The following CAVIN4 variants were observed in gnomAD, a reference collection of about 807,000 sequenced individuals.
CAVIN4 encodes the protein caveolae-associated protein 4.
In CAVIN4, 10 loss-of-function variants were observed where a neutral mutation model predicts 18.6. That is an observed-to-expected ratio of 0.54 (90% CI 0.33 to 0.91). CAVIN4 has a LOEUF of 0.91. Ranked by LOEUF, CAVIN4 falls within the 40% of genes least tolerant of loss-of-function variation. The pLI, the probability that CAVIN4 is intolerant of heterozygous loss-of-function variation, is 0.02. For synonymous variants in CAVIN4, 173 were observed against 164.8 expected, an observed-to-expected ratio of 1.05 and a Z score of -0.38; for missense variants, 459 against 440.5, an observed-to-expected ratio of 1.04 and a Z score of -0.38.
upstream of CAVIN4, chr9:100,577,966 G>A: frequency 1.7e-6 from 1 of 601,360 alleles, no homozygotes; most frequent in Non-Finnish European, 2.9e-6. Flanking sequence ...GCTTTGCAAG[G>A]GTTCAGATTG....
chr9:100,578,964 G>A (rs374847895), intron 1 of CAVIN4, among the ~76,000 whole-genome samples: 3 of 152,274 alleles, frequency 2.0e-5, no homozygotes, highest in Non-Finnish European at 1.5e-5. Flanking sequence ...CTGACAACCA[G>A]TAGCAGTGGT....
In CAVIN4 at chr9:100,586,439, G is replaced by A. The variant is rs762951809; in HGVS notation, c.1083G>A (p.Lys361=). Residue 361 remains lysine, a synonymous_variant, in exon 2 of 2, where the codon AAG becomes AAA. Transcript: ENST00000307584. The stretch of plus-strand genomic sequence containing the variant: ...ATGAATCTCTTTTGTTAGATTTAAA[G>A]CACTCATCGTAAAGAGGAATTAAGT... ...EDDESLLLDL[K]HSS is the part of the protein sequence containing the mutation. The A allele has an allele frequency of 6.2e-6, 10 of 1,612,852 alleles. No individual in the cohort carries two copies. The African/African-American group carries it at 9.3e-5, about 15-fold the overall frequency.
At chr9:100,582,632 C>T (rs191085634) in intron 1 of CAVIN4, among the ~76,000 whole-genome samples, 7 of 152,164 alleles carry the variant, frequency 4.6e-5, no homozygotes, top group Admixed American at 2.0e-4. Flanking sequence ...TGCACCCAGC[C>T]CCTCCCTTTC....
chr9:100,586,269 C>T lies in CAVIN4; in HGVS notation c.913C>T (p.Pro305Ser), dbSNP rs148950537. The change falls in exon 2 of 2, where the codon CCC becomes TCC. Residue 305 changes from proline to serine, a missense_variant. Coordinates refer to ENST00000307584, the MANE Select transcript of CAVIN4 (RefSeq NM_001018116.2). ...DIIARSESLG[P>S]ISELYSDELS... is the part of the protein sequence containing the mutation. The stretch of plus-strand genomic sequence containing the variant: ...CATTGCCAGGAGCGAGTCTCTGGGC[C>T]CCATCAGTGAGCTCTACTCTGATGA... The T allele has an allele frequency of 3.8e-6, 6 of 1,592,286 alleles. No homozygotes were observed. In the African/African-American group the frequency reaches 6.7e-5, roughly 18 times the overall value.
In CAVIN4 at chr9:100,578,345, G is replaced by T; in HGVS notation, c.202G>T (p.Val68Phe). Residue 68 changes from valine to phenylalanine, a missense_variant, in exon 1 of 2, where the codon GTC becomes TTC. By Grantham distance (50) the Val-to-Phe change is conservative. Transcript: ENST00000307584. ...HREMENAIKS[V>F]QIDLLKLSQS... ...GGAAATGGAAAATGCCATAAAATCC[G>T]TCCAGATTGACCTGTTGAAGCTTTC... 2 of 1,614,044 alleles carry T rather than the reference G, an allele frequency of 1.2e-6. No homozygotes were observed. The highest frequency in any genetic ancestry group is 2.7e-5 in the African/African-American group (2 of 75,008).
chr9:100,588,365 C>T lies in CAVIN4; in HGVS notation c.*1914C>T, dbSNP rs1839505367. 6.6e-6 allele frequency among the ~76,000 whole-genome samples: 1 copy of T among 152,004 alleles called. No individual in the cohort carries two copies. The highest frequency in any genetic ancestry group is 2.1e-4 in the South Asian group (1 of 4,828). The stretch of plus-strand genomic sequence containing the variant: ...CCTAATCACATATTTTCTTAAGAAC[C>T]ATAATAAATTTGAATTTAAGAAAAT... On this transcript the variant is annotated 3_prime_UTR_variant, in exon 2 of 2. Transcript: ENST00000307584.
At chr9:100,581,102 A>T (rs148474564) in intron 1 of CAVIN4, 1 of 152,178 alleles carries the variant, frequency 6.6e-6, no homozygotes, top group African/African-American at 2.4e-5. Flanking sequence ...AATAAGCCTC[A>T]GACTTTTGTA....
At chr9:100,585,582 A>G (rs1014512929) in intron 1 of CAVIN4, among the ~76,000 whole-genome samples, 183 bp from the exon 2 acceptor site, 1 of 152,194 alleles carries the variant, frequency 6.6e-6, no homozygotes, top group Non-Finnish European at 1.5e-5. Flanking sequence ...TGCCCAGGGT[A>G]AGCCTGGGAG....
At chr9:100,585,586 C>G (rs1337406233) in intron 1 of CAVIN4, among the ~76,000 whole-genome samples, 179 bp from the exon 2 acceptor site, 2 of 152,036 alleles carry the variant, frequency 1.3e-5, no homozygotes, top group African/African-American at 2.4e-5. Flanking sequence ...CAGGGTAAGC[C>G]TGGGAGATGA....
intron 1 of CAVIN4, among the ~76,000 whole-genome samples, chr9:100,583,604 C>T (rs1053233482): frequency 6.6e-6 from 1 of 151,332 alleles, no homozygotes; most frequent in African/African-American, 2.4e-5. Context: ...CACTACTCTC[C>T]TGCAAGCCAT....
At chr9:100,577,336 TAAAC>T (rs1839370137), upstream of CAVIN4, 1 of 152,580 alleles carries the variant, frequency 6.6e-6, no homozygotes, top group Non-Finnish European at 1.5e-5. Flanking sequence ...TTAACATAAA[TAAAC>T]AAATCGTATC....
Position 100,586,104 on chromosome 9 carries a change from C to CTT in CAVIN4, c.748_749insTT (p.Gln250LeufsTer92). 1 of 1,607,450 alleles carries CTT rather than the reference C, an allele frequency of 6.2e-7. No individual in the cohort carries two copies. Among genetic ancestry groups the CTT allele is most frequent in the Non-Finnish European group, 8.5e-7 (1 of 1,176,480 alleles). On this transcript the variant is annotated frameshift_variant, in exon 2 of 2. Transcript: ENST00000307584. ...GAGACAGTCAGGGGAGAGGCTGAGACAGTCAGGGGAGAGGTTTAAGAAATC... is the reference window on the plus strand; with the variant it reads ...GAGACAGTCAGGGGAGAGGCTGAGACTTAGTCAGGGGAGAGGTTTAAGAAATC...
At chr9:100,585,089 A>G (rs1839463146) in intron 1 of CAVIN4, among the ~76,000 whole-genome samples, 1 of 152,246 alleles carries the variant, frequency 6.6e-6, no homozygotes, top group Admixed American at 6.5e-5. Context: ...ATGCTTTAGT[A>G]ATATTCTCAG....
intron 1 of CAVIN4, chr9:100,581,331 C>T (rs1839425312): frequency 6.6e-6 from 1 of 152,416 alleles, no homozygotes; most frequent in African/African-American, 2.4e-5. Flanking sequence ...TGAATCAACC[C>T]TGGCAATCAG....
intron 1 of CAVIN4, among the ~76,000 whole-genome samples, chr9:100,585,041 T>C (rs181457406): frequency 1.3e-5 from 2 of 152,324 alleles, no homozygotes; most frequent in East Asian, 1.9e-4. Context: ...TGGTGAGCTC[T>C]CCAAAGTTTA....
At chr9:100,579,742 G>A (rs1839408567) in intron 1 of CAVIN4, among the ~76,000 whole-genome samples, 1 of 152,022 alleles carries the variant, frequency 6.6e-6, no homozygotes, top group South Asian at 2.1e-4. Flanking sequence ...ATGTACATAG[G>A]AAAAAAACTA....
chr9:100,585,971 A>G lies in CAVIN4; in HGVS notation c.615A>G (p.Glu205=), dbSNP rs145600587. 2.1e-4 allele frequency: 345 copies of G among 1,614,222 alleles called. No individual in the cohort carries two copies. The African/African-American group carries it at 4.2e-3, about 20-fold the overall frequency. ...ATATCAAGAAGGCATTTTCCAAAGA[A>G]AACATGCAGAAGACACGGCAGAATC... ...IDNIKKAFSK[E]NMQKTRQNLD... is the part of the protein sequence containing the mutation. Residue 205 remains glutamate, a synonymous_variant, in exon 2 of 2, where the codon GAA becomes GAG. Transcript: ENST00000307584.
intron 1 of CAVIN4, among the ~76,000 whole-genome samples, chr9:100,581,824 C>T (rs927646312): frequency 1.3e-5 from 2 of 152,134 alleles, no homozygotes; most frequent in Non-Finnish European, 2.9e-5. Context: ...TGCCAACCCA[C>T]ATTGTGTTGC....
At chr9:100,578,971 T>C (rs1432332404) in intron 1 of CAVIN4, among the ~76,000 whole-genome samples, 2 of 152,228 alleles carry the variant, frequency 1.3e-5, no homozygotes, top group Non-Finnish European at 2.9e-5. Flanking sequence ...CCAGTAGCAG[T>C]GGTTTTTTCT....
Sources: allele counts gnomAD v4.1 joint callset (sites outside exome capture counted in the v4.1 genomes callset), GRCh38; gene constraint gnomAD v4.1.1; transcripts MANE v1.5; gene names NCBI Gene and HGNC (gene_info 2026-07-23, HGNC 2026-07-21).